The following KIRREL3 variants were observed in gnomAD, a reference collection of about 807,000 sequenced individuals.
KIRREL3 encodes kirre like nephrin family adhesion molecule 3.
In KIRREL3, 36 loss-of-function variants were observed where a neutral mutation model predicts 89.7. That is an observed-to-expected ratio of 0.40 (90% confidence interval 0.31 to 0.53). KIRREL3 has a LOEUF of 0.53. KIRREL3 is among the 20% of genes least tolerant of loss of function. The probability of loss-of-function intolerance (pLI) is 0.49; values close to 1 mark genes in which losing one functional copy is unlikely to be tolerated. For synonymous variants in KIRREL3, 445 were observed against 441.4 expected (o/e 1.01, Z -0.10); for missense variants, 864 against 1,056.6 (o/e 0.82, Z 2.53).
In KIRREL3 at chr11:126,627,636, GTAAAT is replaced by G. The variant is rs1199633769; in HGVS notation, c.56-64729_56-64725del. 5.9e-5 allele frequency among the ~76,000 whole-genome samples: 9 copies of G among 152,252 alleles called. No homozygotes were observed. The highest frequency in any genetic ancestry group is 1.3e-4 in the Non-Finnish European group (9 of 68,046). On this transcript the variant is annotated intron_variant, in intron 1 of 16. Transcript: ENST00000525144. The surrounding 1 kb of genome is among the most constrained non-coding windows in gnomAD (Gnocchi z 5.0). ...TTGTCAGGTCCAGCGGTTGGCTTTAGTAAATATGCCTCAAGCAGCTGTCACTGGGA... is the reference window on the plus strand; with the variant it reads ...TTGTCAGGTCCAGCGGTTGGCTTTAGATGCCTCAAGCAGCTGTCACTGGGA...
intron 1 of KIRREL3, among the ~76,000 whole-genome samples, chr11:126,586,383 G>T (rs1383726385): frequency 6.6e-6 from 1 of 152,150 alleles, no homozygotes; most frequent in East Asian, 1.9e-4. Flanking sequence ...CAAGTACGAA[G>T]CGGTCTTGCT....
At position 126,684,805 on chromosome 11, in the gene KIRREL3, G is replaced by T. The variant is rs1052081030; in HGVS notation, c.56-121893C>A. ...TCTAAAGAAAGGAAAGGTGCGGCAG[G>T]TTGCGTGTGCGGGAGGGGAGAGGTA... On this transcript the variant is annotated intron_variant, in intron 1 of 16. Coordinates refer to ENST00000525144, the MANE Select transcript of KIRREL3 (RefSeq NM_032531.4). This position sits in a 1 kb window ranked among gnomAD's most constrained non-coding sequence, Gnocchi z 4.2. 1.3e-5 allele frequency among the ~76,000 whole-genome samples: 2 copies of T among 152,182 alleles called. No homozygotes were observed. The highest frequency in any genetic ancestry group is 1.5e-5 in the Non-Finnish European group (1 of 68,022).
intron 1 of KIRREL3, chr11:126,944,925 CA>C (rs1195917295): frequency 6.6e-6 from 1 of 152,232 alleles, no homozygotes; most frequent in African/African-American, 2.4e-5. Flanking sequence ...GCCTTTCATT[CA>C]GGACCCTAAT....
rs1295757968 is a variant in KIRREL3 at position 126,681,930 on chromosome 11, A to AC, written c.56-119019_56-119018insG. On this transcript the variant is annotated intron_variant, in intron 1 of 16. Coordinates refer to ENST00000525144, the MANE Select transcript of KIRREL3 (RefSeq NM_032531.4). ...TCATGCAACAGAAAGATTTTTCAGA[A>AC]TTTTTCAGCAACAGATTTTACACAC... is the stretch of plus-strand genomic sequence containing the variant. The AC allele has an allele frequency of 6.6e-6, 3 of 454,170 alleles. No individual in the cohort carries two copies. The Admixed American group carries it at 7.1e-5, about 11-fold the overall frequency. 28.1% of individuals were successfully genotyped at this position (454,170 alleles called of 1,614,324 possible). A position where few individuals can be genotyped will look rare whatever the true frequency, so the allele number is the denominator to read the frequency against.
At chr11:126,456,769 A>C (rs1015177709) in intron 6 of KIRREL3, among the ~76,000 whole-genome samples, 19 of 152,024 alleles carry the variant, frequency 1.2e-4, no homozygotes, top group African/African-American at 4.1e-4. Flanking sequence ...TAGGAAGGAG[A>C]GGTGGGAAGA....
rs1233814285 is a variant in KIRREL3, at chr11:126,666,659, C to T, written c.56-103747G>A. Among the ~76,000 whole-genome samples, 2 of 152,176 alleles carry T rather than the reference C, an allele frequency of 1.3e-5. No homozygotes were observed. The highest frequency in any genetic ancestry group is 2.9e-5 in the Non-Finnish European group (2 of 68,026). On this transcript the variant is annotated intron_variant, in intron 1 of 16. Transcript: ENST00000525144. The surrounding 1 kb of genome is among the most constrained non-coding windows in gnomAD (Gnocchi z 4.2). ...TTTACCAACTTGGCTTATTTTTTTA[C>T]TGCATGATATGAACACTTAGGGTTA...
Position 126,909,542 on chromosome 11 carries a change from T to C in KIRREL3, c.55+90913A>G, listed in dbSNP as rs1307308522. On this transcript the variant is annotated intron_variant, in intron 1 of 16. Transcript: ENST00000525144. This position sits in a 1 kb window ranked among gnomAD's most constrained non-coding sequence, Gnocchi z 4.5. ...CTGAGTTGAGATACACCGCCCACAA[T>C]ACACCCCGTGGGTAATTAACAACCG... 1.3e-5 allele frequency among the ~76,000 whole-genome samples: 2 copies of C among 152,102 alleles called. No individual in the cohort carries two copies. The highest frequency in any genetic ancestry group is 4.8e-5 in the African/African-American group (2 of 41,412).
chr11:126,426,480 T>C (rs528337634), intron 15 of KIRREL3, among the ~76,000 whole-genome samples: 2 of 152,172 alleles, frequency 1.3e-5, no homozygotes, highest in East Asian at 3.8e-4. Context: ...GCACAGTGCC[T>C]GATATACAAT....
Position 126,498,498 on chromosome 11 carries a change from C to T in KIRREL3, c.433+22817G>A, listed in dbSNP as rs117303219. Reference sequence around the variant, plus strand: ...CTGTCTGTCAGGTAAGGGGTGGCAGCGAGAGATAATTATAATCAGATCTAA... The same window carrying T: ...CTGTCTGTCAGGTAAGGGGTGGCAGTGAGAGATAATTATAATCAGATCTAA... On this transcript the variant is annotated intron_variant, in intron 4 of 16. Coordinates refer to ENST00000525144, the MANE Select transcript of KIRREL3 (RefSeq NM_032531.4). This position sits in a 1 kb window ranked among gnomAD's most constrained non-coding sequence, Gnocchi z 4.3. 8.6e-4 allele frequency among the ~76,000 whole-genome samples: 131 copies of T among 152,200 alleles called. 2 individuals are homozygous for T. The East Asian group carries it at 0.023, about 27-fold the overall frequency.
chr11:126,979,292 C>T (rs541745771), intron 1 of KIRREL3, among the ~76,000 whole-genome samples: 10 of 152,142 alleles, frequency 6.6e-5, no homozygotes, highest in Non-Finnish European at 2.9e-5. Flanking sequence ...ATCAGCTAAT[C>T]GGTTTAACAT....
intron 1 of KIRREL3, among the ~76,000 whole-genome samples, chr11:126,862,265 C>T (rs995790886): frequency 6.6e-6 from 1 of 152,256 alleles, no homozygotes; most frequent in Non-Finnish European, 1.5e-5. Context: ...CATTAACCCA[C>T]ATCCACCCAA....
rs138826238 is a variant in KIRREL3 at position 126,559,504 on chromosome 11, T to C, written c.133+3331A>G. 5.8e-3 allele frequency among the ~76,000 whole-genome samples: 880 copies of C among 152,260 alleles called. 15 individuals are homozygous for C. Among genetic ancestry groups the C allele is most frequent in the African/African-American group, 0.02 (835 of 41,536 alleles). ...ACCAATAAATAATCACACATCATGA[T>C]AGGTGCCACTCGATACACACACCAG... On this transcript the variant is annotated intron_variant, in intron 2 of 16. Transcript: ENST00000525144.
intron 1 of KIRREL3, among the ~76,000 whole-genome samples, chr11:126,759,368 T>A (rs1000482794): frequency 2.6e-5 from 4 of 152,224 alleles, no homozygotes; most frequent in Admixed American, 1.3e-4. Context: ...GACCTTGTGA[T>A]CTGCCTGCCT....
At chr11:126,944,781 C>T (rs541405141) in intron 1 of KIRREL3, 1 of 152,338 alleles carries the variant, frequency 6.6e-6, no homozygotes, top group East Asian at 1.9e-4. Context: ...GAATTGAATT[C>T]CCTTCTCCAT....
intron 1 of KIRREL3, among the ~76,000 whole-genome samples, chr11:126,809,252 T>C (rs1401299979): frequency 6.6e-6 from 1 of 151,818 alleles, no homozygotes; most frequent in Non-Finnish European, 1.5e-5. Flanking sequence ...TGGGCAGGAG[T>C]CTGAAGAGAA....
intron 1 of KIRREL3, among the ~76,000 whole-genome samples, chr11:126,681,358 G>T (rs1049140383): frequency 6.6e-6 from 1 of 152,200 alleles, no homozygotes; most frequent in African/African-American, 2.4e-5. Context: ...GCAGGAGACA[G>T]AAATCATTCT....
rs1197098291 is a variant in KIRREL3 at position 126,685,567 on chromosome 11, A to G, written c.56-122655T>C. 6.6e-6 allele frequency among the ~76,000 whole-genome samples: 1 copy of G among 152,230 alleles called. No homozygotes were observed. The highest frequency in any genetic ancestry group is 1.9e-4 in the East Asian group (1 of 5,200). Reference sequence around the variant, plus strand: ...AATTAATTATTATTTTAATTATGACATGTTTTCCTCCTCTCTTTCCCCTGC... The same window carrying G: ...AATTAATTATTATTTTAATTATGACGTGTTTTCCTCCTCTCTTTCCCCTGC... On this transcript the variant is annotated intron_variant, in intron 1 of 16. Coordinates refer to ENST00000525144, the MANE Select transcript of KIRREL3 (RefSeq NM_032531.4). This position sits in a 1 kb window ranked among gnomAD's most constrained non-coding sequence, Gnocchi z 5.5.
intron 1 of KIRREL3, among the ~76,000 whole-genome samples, chr11:126,810,316 G>A (rs1449323365): frequency 6.6e-6 from 1 of 152,210 alleles, no homozygotes; most frequent in Non-Finnish European, 1.5e-5. Flanking sequence ...GCGGAAATCA[G>A]TGATAAGCTC....
chr11:126,693,175 T>C (rs753859235), intron 1 of KIRREL3, among the ~76,000 whole-genome samples: 16 of 152,244 alleles, frequency 1.1e-4, no homozygotes, highest in Non-Finnish European at 1.8e-4. Flanking sequence ...TCCCAGTACT[T>C]TGGGAGGCGA....
Sources: allele counts gnomAD v4.1 joint callset (sites outside exome capture counted in the v4.1 genomes callset), GRCh38; gene constraint gnomAD v4.1.1; non-coding constraint Gnocchi (gnomAD v3.1); transcripts MANE v1.5; gene names NCBI Gene and HGNC (gene_info 2026-07-23, HGNC 2026-07-21).